Variants in BICD1 observed in about 807,000 individuals in gnomAD.
BICD1 encodes the protein BICD cargo adaptor 1, also known as protein bicaudal D homolog 1.
A neutral mutation model predicts 92.5 loss-of-function variants in BICD1; 35 were observed. The ratio of observed to expected loss-of-function variants is 0.38; its 90% confidence interval spans 0.29 to 0.50. BICD1 has a LOEUF of 0.50. BICD1 is among the 20% of genes least tolerant of loss of function. BICD1 has a pLI of 0.93. For synonymous variants in BICD1, 429 were observed against 465.1 expected, an observed-to-expected ratio of 0.92 and a Z score of 1.00; for missense variants, 950 against 1,189.8, an observed-to-expected ratio of 0.80 and a Z score of 2.97.
intron 2 of BICD1, among the ~76,000 whole-genome samples, chr12:32,273,571 G>A (rs1418481707): frequency 6.6e-6 from 1 of 152,282 alleles, no homozygotes; most frequent in East Asian, 1.9e-4. Flanking sequence ...TGCTGAAACT[G>A]GATGATTAAA....
At chr12:32,166,044 T>C (rs1448147848) in intron 1 of BICD1, among the ~76,000 whole-genome samples, 1 of 152,164 alleles carries the variant, frequency 6.6e-6, no homozygotes, top group African/African-American at 2.4e-5. Context: ...TAAACTGCCA[T>C]ACTTCTCAGT....
chr12:32,132,545 A>C (rs1376343783), intron 1 of BICD1, among the ~76,000 whole-genome samples: 1 of 152,124 alleles, frequency 6.6e-6, no homozygotes, highest in East Asian at 1.9e-4. Flanking sequence ...TGTGTGGCTC[A>C]ATGCGGGACG....
chr12:32,270,444 G>A (rs1429559513), intron 2 of BICD1, among the ~76,000 whole-genome samples: 1 of 152,098 alleles, frequency 6.6e-6, no homozygotes, highest in African/African-American at 2.4e-5. Context: ...ACAAGTAAAA[G>A]AAGAAAAAGT....
chr12:32,340,008 T>C (rs999762560), intron 8 of BICD1: 5 of 892,482 alleles, frequency 5.6e-6, no homozygotes, highest in Non-Finnish European at 6.7e-6. Flanking sequence ...TCCTCCTTAT[T>C]ACTTATACCC....
chr12:32,346,953 CTT>C (rs546760175), intron 8 of BICD1, among the ~76,000 whole-genome samples: 10 of 136,422 alleles, frequency 7.3e-5, no homozygotes, highest in Non-Finnish European at 6.2e-5. Context: ...CTTTTCTTTT[CTT>C]TTTTTTTTTT....
intron 5 of BICD1, chr12:32,332,861 A>AC (rs1043164121): frequency 3.0e-6 from 3 of 985,388 alleles, no homozygotes; most frequent in Non-Finnish European, 3.6e-6. Context: ...TGGAAATAAG[A>AC]CTTTTTTTAT....
At chr12:32,224,554 A>AT (rs1199484734) in intron 2 of BICD1, among the ~76,000 whole-genome samples, 2 of 152,228 alleles carry the variant, frequency 1.3e-5, no homozygotes, top group Non-Finnish European at 2.9e-5. Context: ...TTGGAAGCAA[A>AT]GTCTTAACAA....
chr12:32,169,427 A>G (rs2121514050), intron 1 of BICD1, among the ~76,000 whole-genome samples: 1 of 151,680 alleles, frequency 6.6e-6, no homozygotes, highest in South Asian at 2.1e-4. Flanking sequence ...CTTGGCCTGG[A>G]CCCATTTTTT....
intron 2 of BICD1, among the ~76,000 whole-genome samples, chr12:32,253,863 CCATAATCACTGCCGTATCCCACCTGT>C (rs1565620929): frequency 2.4e-5 from 2 of 83,544 alleles, no homozygotes; most frequent in Non-Finnish European, 3.6e-5. Context: ...ATCCCACCTG[CCATAATCACTGCCGTATCCCACCTGT>C]CATAATCACT....
At chr12:32,365,079 TACAA>T (rs1592723564) in intron 8 of BICD1, among the ~76,000 whole-genome samples, 1 of 151,954 alleles carries the variant, frequency 6.6e-6, no homozygotes, top group Admixed American at 6.6e-5. Context: ...CTACTAAAAA[TACAA>T]ACAATTAGCT....
intron 2 of BICD1, among the ~76,000 whole-genome samples, chr12:32,223,236 A>G (rs962492485): frequency 6.6e-6 from 1 of 152,172 alleles, no homozygotes; most frequent in Non-Finnish European, 1.5e-5. Context: ...GAAGAGAGGC[A>G]TCCGGGTGTG....
chr12:32,320,912 T>C (rs1303695856), intron 4 of BICD1, among the ~76,000 whole-genome samples: 1 of 152,082 alleles, frequency 6.6e-6, no homozygotes, highest in East Asian at 1.9e-4. Context: ...CATAATAAAC[T>C]CCTCAACTCT....
Position 32,383,192 on chromosome 12 carries a change from G to T in BICD1, c.*5565G>T, listed in dbSNP as rs1417432640. 1 of 152,084 alleles carries T rather than the reference G, an allele frequency of 6.6e-6. No individual in the cohort carries two copies. Among genetic ancestry groups the T allele is most frequent in the Non-Finnish European group, 1.5e-5 (1 of 67,958 alleles). The allele number at this position is 152,084 out of a possible 1,614,324, so 9.4% of individuals were successfully genotyped here. ...TCAACTGTTCCTACATTTAATTGCAGTTTAATTATTATGCCTTTTGGGGTT... is the reference window on the plus strand; with the variant it reads ...TCAACTGTTCCTACATTTAATTGCATTTTAATTATTATGCCTTTTGGGGTT... On this transcript the variant is annotated 3_prime_UTR_variant, in exon 10 of 10. Transcript: ENST00000652176.
At chr12:32,131,740 G>C (rs1942553016) in intron 1 of BICD1, among the ~76,000 whole-genome samples, 1 of 152,146 alleles carries the variant, frequency 6.6e-6, no homozygotes, top group Non-Finnish European at 1.5e-5. Flanking sequence ...AAAAATTATG[G>C]AGACATTTAT....
intron 1 of BICD1, among the ~76,000 whole-genome samples, chr12:32,192,224 G>GATCGAGACC (rs1944590308): frequency 2.0e-5 from 3 of 152,098 alleles, no homozygotes; most frequent in African/African-American, 7.2e-5. Flanking sequence ...AAGGTCAAGA[G>GATCGAGACC]ATCGAGACCA....
At position 32,377,616 on chromosome 12, in the gene BICD1, C is replaced by T. The variant is rs1438920371; in HGVS notation, c.2917C>T (p.Pro973Ser). The T allele has an allele frequency of 6.2e-7, 1 of 1,613,404 alleles. No homozygotes were observed. The highest frequency in any genetic ancestry group is 1.1e-5 in the South Asian group (1 of 91,064). ...CCCTCTCCACTGTCTCTCCAAGCCT[C>T]CTCACCCCTAGTCTTCATCTCCTGT... ...CAPLHCLSKP[P>S]HP The change falls in exon 10 of 10, where the codon CCT (proline) becomes TCT (serine). Residue 973 changes from proline to serine, a missense_variant. This residue lies in a region of BICD1 where 179 missense variants were observed against 186.7 expected (regional missense o/e 0.96). Coordinates refer to ENST00000652176, the MANE Select transcript of BICD1 (RefSeq NM_001714.4).
At position 32,107,542 on chromosome 12, in the gene BICD1, G is replaced by C; in HGVS notation, c.211G>C (p.Glu71Gln). 1.3e-6 allele frequency: 2 copies of C among 1,578,010 alleles called. No individual in the cohort carries two copies. The highest frequency in any genetic ancestry group is 2.7e-5 in the African/African-American group (2 of 74,522). The change falls in exon 1 of 10, where the codon GAG (glutamate) becomes CAG (glutamine). Residue 71 changes from glutamate (E) to glutamine (Q), a missense_variant and splice_region_variant. Around this residue, in one of 5 missense-constraint regions of BICD1, gnomAD observed 202 missense variants for 205.3 expected, o/e 0.98. Transcript: ENST00000652176. ...SLKQELEQLKEAFGQSFSIHR... is the reference protein window; with the variant it reads ...SLKQELEQLKQAFGQSFSIHR... ...CAAACAGGAGCTGGAGCAGCTCAAAGAGGTGAGTTGCCTGTCACCTCTCCC... is the reference window on the plus strand; with the variant it reads ...CAAACAGGAGCTGGAGCAGCTCAAACAGGTGAGTTGCCTGTCACCTCTCCC...
chr12:32,220,795 G>T (rs923048509), intron 2 of BICD1, among the ~76,000 whole-genome samples: 1 of 133,076 alleles, frequency 7.5e-6, no homozygotes, highest in Non-Finnish European at 1.6e-5. Context: ...ACATGCACAC[G>T]TATGTTTATT....
chr12:32,306,154 A>T (rs1948210245), intron 4 of BICD1, 32 bp downstream of exon 4: 1 of 1,524,192 alleles, frequency 6.6e-7, no homozygotes. Context: ...GCTAGAGTGA[A>T]TTTCTTGTAG....
Sources: allele counts gnomAD v4.1 joint callset (sites outside exome capture counted in the v4.1 genomes callset), GRCh38; gene constraint gnomAD v4.1.1; regional missense constraint gnomAD v4.1.1; transcripts MANE v1.5; gene names NCBI Gene and HGNC (gene_info 2026-07-23, HGNC 2026-07-21).